CACNA1C: variants seen among roughly 807,000 people sequenced by gnomAD.
The protein encoded by CACNA1C is voltage-dependent L-type calcium channel subunit alpha-1C.
In CACNA1C, 30 loss-of-function variants were observed where a neutral mutation model predicts 229.0. The ratio of observed to expected loss-of-function variants is 0.13; its 90% CI spans 0.10 to 0.18. The LOEUF (loss-of-function observed/expected upper bound fraction) is 0.18, where lower values mean the gene tolerates loss of function less well. Among genes scored for constraint, CACNA1C ranks in the 10% least tolerant of loss-of-function variants. CACNA1C has a pLI of 1.00. For synonymous variants in CACNA1C, 1,114 were observed against 1,132.5 expected (o/e 0.98, Z 0.33); for missense variants, 1,658 against 2,845.0 (o/e 0.58, Z 9.49).
intron 3 of CACNA1C, among the ~76,000 whole-genome samples, chr12:2,425,719 G>A (rs1012970281): frequency 1.3e-5 from 2 of 152,084 alleles, no homozygotes; most frequent in Non-Finnish European, 2.9e-5. Context: ...GCAATGCTAA[G>A]CTTTTTATCT....
chr12:2,315,219 A>G (rs2095628456), intron 3 of CACNA1C, among the ~76,000 whole-genome samples: 1 of 152,218 alleles, frequency 6.6e-6, no homozygotes, highest in Admixed American at 6.5e-5. Flanking sequence ...GATGAGCACC[A>G]CAGACGTGGC....
At chr12:2,284,957 T>C (rs999272834) in intron 3 of CACNA1C, among the ~76,000 whole-genome samples, 2 of 152,220 alleles carry the variant, frequency 1.3e-5, no homozygotes, top group Non-Finnish European at 2.9e-5. Flanking sequence ...TCTCCTTTCA[T>C]TTCTCCAGCC....
intron 31 of CACNA1C, 124 bp downstream of exon 31, chr12:2,648,631 G>C (rs946080093): frequency 1.3e-6 from 1 of 789,668 alleles, no homozygotes; most frequent in Non-Finnish European, 2.2e-6. Context: ...TGTGGCCACT[G>C]TGTCTGCCGT....
At chr12:2,397,033 C>T (rs575029420) in intron 3 of CACNA1C, among the ~76,000 whole-genome samples, 1 of 152,360 alleles carries the variant, frequency 6.6e-6, no homozygotes, top group Admixed American at 6.5e-5. Context: ...GGTTCACCAA[C>T]CTGTTTTCAT....
At chr12:2,159,189 T>C (rs1434635142) in intron 3 of CACNA1C, among the ~76,000 whole-genome samples, 3 of 152,028 alleles carry the variant, frequency 2.0e-5, no homozygotes, top group Non-Finnish European at 2.9e-5. Context: ...TAGAACAAAT[T>C]GACTCTTTAA....
chr12:2,126,990 A>C (rs1425218849), intron 3 of CACNA1C, among the ~76,000 whole-genome samples: 1 of 152,200 alleles, frequency 6.6e-6, no homozygotes, highest in African/African-American at 2.4e-5. Context: ...GCTTTTTGGC[A>C]GCTGTGACCC....
chr12:2,117,036 A>T (rs367939069), intron 2 of CACNA1C, among the ~76,000 whole-genome samples: 1 of 152,212 alleles, frequency 6.6e-6, no homozygotes, highest in East Asian at 1.9e-4. Context: ...TGGGAAGCCA[A>T]GGCAGGTGGA....
rs570409080 is a variant in CACNA1C at position 2,374,150 on chromosome 12, G to A, written c.478-74826G>A. 3.3e-5 allele frequency among the ~76,000 whole-genome samples: 5 copies of A among 152,288 alleles called. No homozygotes were observed. In the South Asian group the frequency reaches 8.3e-4, roughly 25 times the overall value. On this transcript the variant is annotated intron_variant, in intron 3 of 46. Coordinates refer to ENST00000399655, the MANE Select transcript of CACNA1C (RefSeq NM_000719.7). The stretch of plus-strand genomic sequence containing the variant: ...AGACTAGTAGTCTTCCCACGTGCAC[G>A]TTTACTTACCAGTGCTCATTATTTC...
chr12:2,651,814 C>T lies in CACNA1C; in HGVS notation c.4074+46C>T, dbSNP rs372047678. 9.5e-6 allele frequency: 14 copies of T among 1,476,892 alleles called. No homozygotes were observed. The highest frequency in any genetic ancestry group is 9.2e-5 in the East Asian group (4 of 43,312). 91.5% of individuals were successfully genotyped at this position (1,476,892 alleles called of 1,614,324 possible). On this transcript the variant is annotated intron_variant, in intron 32 of 46. Coordinates refer to ENST00000399655, the MANE Select transcript of CACNA1C (RefSeq NM_000719.7). The surrounding 1 kb of genome is among the most constrained non-coding windows in gnomAD (Gnocchi z 5.4). ...GCGGCCCGGGGAATCGCAGGGCTGC[C>T]GCGTGGCCCAGAACACAGCTGACAC... is the stretch of plus-strand genomic sequence containing the variant.
chr12:2,458,839 G>T (rs2099466683), intron 5 of CACNA1C, among the ~76,000 whole-genome samples: 1 of 152,124 alleles, frequency 6.6e-6, no homozygotes, highest in Non-Finnish European at 1.5e-5. Context: ...ATCTTCCTGT[G>T]ACTTTAATTA....
chr12:2,174,673 A>G (rs114250546), intron 3 of CACNA1C, among the ~76,000 whole-genome samples: 2,523 of 152,294 alleles, frequency 0.017, 60 homozygotes, highest in African/African-American at 0.057. Context: ...TGGATGGTCA[A>G]AAATCTGCAC....
chr12:2,335,299 C>T (rs565281015), intron 3 of CACNA1C, among the ~76,000 whole-genome samples: 32 of 152,258 alleles, frequency 2.1e-4, no homozygotes, highest in African/African-American at 7.7e-4. Flanking sequence ...CAGGCTCCCA[C>T]CTTCCGGAAG....
At chr12:2,344,116 A>G (rs1289768904) in intron 3 of CACNA1C, among the ~76,000 whole-genome samples, 3 of 152,208 alleles carry the variant, frequency 2.0e-5, no homozygotes, top group Non-Finnish European at 2.9e-5. Flanking sequence ...GACTTCCGGC[A>G]GTTGAGAATT....
intron 3 of CACNA1C, among the ~76,000 whole-genome samples, chr12:2,138,750 G>A (rs2093818532): frequency 6.6e-6 from 1 of 151,196 alleles, no homozygotes; most frequent in Non-Finnish European, 1.5e-5. Flanking sequence ...GCAGATGCTA[G>A]AGCCATGCCT....
At chr12:2,634,208 T>C (rs2091876705) in intron 29 of CACNA1C, 89 bp from the exon 30 acceptor site, 1 of 419,602 alleles carries the variant, frequency 2.4e-6, no homozygotes, top group Non-Finnish European at 4.1e-6. Context: ...TTTTTTTTTT[T>C]TTTCATTTTT....
intron 3 of CACNA1C, among the ~76,000 whole-genome samples, chr12:2,443,794 G>A (rs1483722714): frequency 2.0e-5 from 3 of 152,134 alleles, no homozygotes; most frequent in African/African-American, 7.2e-5. Flanking sequence ...ATTCATACTC[G>A]CCCTTAGATG....
intron 7 of CACNA1C, among the ~76,000 whole-genome samples, chr12:2,498,345 A>G (rs1022833988): frequency 3.3e-5 from 5 of 152,144 alleles, no homozygotes; most frequent in Non-Finnish European, 7.4e-5. Flanking sequence ...TGCTACCCCC[A>G]GGGTGCACCT....
intron 3 of CACNA1C, among the ~76,000 whole-genome samples, chr12:2,190,366 T>TCCCCG (rs2097172092): frequency 6.6e-6 from 1 of 152,194 alleles, no homozygotes; most frequent in Non-Finnish European, 1.5e-5. Flanking sequence ...GCTTTGCTCA[T>TCCCCG]CCCCGCCCCG....
chr12:1,974,287 A>G (rs550960902), intron 1 of CACNA1C, among the ~76,000 whole-genome samples: 1 of 152,326 alleles, frequency 6.6e-6, no homozygotes, highest in African/African-American at 2.4e-5. Flanking sequence ...CTTCTACCAG[A>G]AATTTCAGCA....
Sources: allele counts gnomAD v4.1 joint callset (sites outside exome capture counted in the v4.1 genomes callset), GRCh38; gene constraint gnomAD v4.1.1; non-coding constraint Gnocchi (gnomAD v3.1); transcripts MANE v1.5; gene names NCBI Gene and HGNC (gene_info 2026-07-23, HGNC 2026-07-21).